Variants in CNTNAP2 observed in about 807,000 individuals in gnomAD.
CNTNAP2 encodes the protein contactin-associated protein-like 2.
CNTNAP2 carries 98 observed loss-of-function variants against 155.2 expected under a neutral mutation model. That is an observed-to-expected ratio of 0.63 (90% CI 0.54 to 0.75). CNTNAP2 has a LOEUF of 0.75. Among genes scored for constraint, CNTNAP2 ranks in the 30% least tolerant of loss-of-function variants. The pLI is 0.00. For missense variants in CNTNAP2, 1,727 were observed against 1,688.1 expected (o/e 1.02, Z -0.40); for synonymous variants, 651 against 631.2 (o/e 1.03, Z -0.47).
intron 1 of CNTNAP2, among the ~76,000 whole-genome samples, chr7:146,399,684 C>G: frequency 6.6e-6 from 1 of 151,908 alleles, no homozygotes; most frequent in Non-Finnish European, 1.5e-5. Context: ...GACTATATAC[C>G]CAGAAGTGTG....
rs1379628454 is a variant in CNTNAP2, at chr7:146,570,204, A to T, written c.98-204067A>T. Among the ~76,000 whole-genome samples, 15 of 110,322 alleles carry T rather than the reference A, an allele frequency of 1.4e-4. No individual in the cohort carries two copies. The East Asian group carries it at 3.1e-3, about 23-fold the overall frequency. The allele number at this position is 110,322 out of a possible 152,430, so 72.4% of individuals were successfully genotyped here. ...AGTGCTTTAATGCACTGGTCTGTAG[A>T]CACAGCCCATTTTTTTTTTTCTCTT... On this transcript the variant is annotated intron_variant, in intron 1 of 23. Transcript: ENST00000361727.
chr7:146,465,737 C>T (rs116283858), intron 1 of CNTNAP2, among the ~76,000 whole-genome samples: 2,266 of 152,102 alleles, frequency 0.015, 56 homozygotes, highest in African/African-American at 0.049. Context: ...ATTGATACGG[C>T]AGGATAGGTT....
intron 1 of CNTNAP2, among the ~76,000 whole-genome samples, chr7:146,673,345 A>T (rs771741771): frequency 1.5e-4 from 23 of 152,220 alleles, no homozygotes; most frequent in Non-Finnish European, 1.3e-4. Context: ...TATGTCATAC[A>T]TAAAGAAACA....
chr7:148,107,061 A>G (rs1804239471), intron 15 of CNTNAP2, among the ~76,000 whole-genome samples: 1 of 152,236 alleles, frequency 6.6e-6, no homozygotes, highest in African/African-American at 2.4e-5. Flanking sequence ...AGAGCTTCAT[A>G]AAAAAATCTT....
intron 1 of CNTNAP2, among the ~76,000 whole-genome samples, chr7:146,617,881 A>G (rs1455548616): frequency 6.6e-6 from 1 of 152,190 alleles, no homozygotes; most frequent in Non-Finnish European, 1.5e-5. Context: ...AAAATACTCA[A>G]AAAATGGATG....
intron 13 of CNTNAP2, among the ~76,000 whole-genome samples, chr7:147,703,765 G>A (rs945674117): frequency 1.3e-5 from 2 of 152,072 alleles, no homozygotes; most frequent in African/African-American, 4.8e-5. Context: ...GTTAACTGTA[G>A]TCACCCTACT....
intron 1 of CNTNAP2, among the ~76,000 whole-genome samples, chr7:146,283,495 G>A (rs1351549549): frequency 6.6e-6 from 1 of 152,134 alleles, no homozygotes; most frequent in Admixed American, 6.5e-5. Context: ...AGCCTCCCGA[G>A]TAGCAGGGAC....
chr7:148,061,920 T>TAGATAG (rs1474883930), intron 15 of CNTNAP2, among the ~76,000 whole-genome samples: 2 of 125,404 alleles, frequency 1.6e-5, no homozygotes, highest in Non-Finnish European at 3.3e-5. Context: ...GATAAACAGA[T>TAGATAG]ATAGATAGAT....
intron 21 of CNTNAP2, among the ~76,000 whole-genome samples, chr7:148,339,180 TC>T (rs1798177024): frequency 6.6e-6 from 1 of 151,602 alleles, no homozygotes; most frequent in Non-Finnish European, 1.5e-5. Flanking sequence ...GTCCGGGCTC[TC>T]AGAGCCCTCC....
At chr7:148,414,938 T>C (rs901279562) in intron 23 of CNTNAP2, 3 of 221,710 alleles carry the variant, frequency 1.4e-5, no homozygotes, top group Middle Eastern at 1.7e-3. Flanking sequence ...GAGAGACTTA[T>C]GTGCAGATTA....
At chr7:147,840,896 G>GA (rs935705323) in intron 13 of CNTNAP2, among the ~76,000 whole-genome samples, 48 of 148,234 alleles carry the variant, frequency 3.2e-4, no homozygotes, top group South Asian at 2.5e-3. Context: ...ATGACTTTAT[G>GA]AAAAAAAAAA....
intron 4 of CNTNAP2, among the ~76,000 whole-genome samples, chr7:147,092,233 AC>A (rs1800423296): frequency 6.6e-6 from 1 of 152,158 alleles, no homozygotes; most frequent in Admixed American, 6.5e-5. Context: ...TTTCCCAATG[AC>A]CCCCTCAAAA....
At chr7:147,315,717 G>A (rs1304260099) in intron 9 of CNTNAP2, among the ~76,000 whole-genome samples, 1 of 151,912 alleles carries the variant, frequency 6.6e-6, no homozygotes, top group Non-Finnish European at 1.5e-5. Context: ...CCTGACCTCT[G>A]ATCCACCCGC....
At chr7:146,680,181 A>G (rs1227978890) in intron 1 of CNTNAP2, among the ~76,000 whole-genome samples, 3 of 152,202 alleles carry the variant, frequency 2.0e-5, no homozygotes, top group African/African-American at 7.2e-5. Flanking sequence ...TCAATGAATT[A>G]GGTGATTTTG....
At chr7:146,986,272 G>A (rs140530891) in intron 3 of CNTNAP2, among the ~76,000 whole-genome samples, 272 of 152,264 alleles carry the variant, frequency 1.8e-3, no homozygotes, top group African/African-American at 6.2e-3. Context: ...CCATTCCCGA[G>A]TTACTTCACT....
intron 8 of CNTNAP2, among the ~76,000 whole-genome samples, chr7:147,243,131 G>T (rs1019366003): frequency 6.7e-6 from 1 of 150,168 alleles, no homozygotes; most frequent in Non-Finnish European, 1.5e-5. Context: ...CCAAGAGCTG[G>T]GACTACAGGG....
At chr7:147,383,420 G>A (rs1411844764) in intron 9 of CNTNAP2, among the ~76,000 whole-genome samples, 1 of 152,076 alleles carries the variant, frequency 6.6e-6, no homozygotes, top group African/African-American at 2.4e-5. Context: ...TAAGTAAGGT[G>A]GTGATTTTTA....
intron 1 of CNTNAP2, among the ~76,000 whole-genome samples, chr7:146,238,021 T>A (rs1799502065): frequency 6.6e-6 from 1 of 152,216 alleles, no homozygotes; most frequent in Non-Finnish European, 1.5e-5. Context: ...ATGTATATGA[T>A]TGTTTTTATT....
At chr7:147,215,669 T>G (rs896907472) in intron 8 of CNTNAP2, among the ~76,000 whole-genome samples, 1 of 152,236 alleles carries the variant, frequency 6.6e-6, no homozygotes, top group Non-Finnish European at 1.5e-5. Flanking sequence ...CAGGTTTATG[T>G]GTGAACATAT....
Sources: allele counts gnomAD v4.1 joint callset (sites outside exome capture counted in the v4.1 genomes callset), GRCh38; gene constraint gnomAD v4.1.1; transcripts MANE v1.5; gene names NCBI Gene and HGNC (gene_info 2026-07-23, HGNC 2026-07-21).